Variants in IGF2BP2 observed in about 807,000 individuals in gnomAD.
IGF2BP2 encodes the protein insulin like growth factor 2 mRNA binding protein 2, also known as insulin-like growth factor 2 mRNA-binding protein 2.
In IGF2BP2, 17 loss-of-function variants were observed where a neutral mutation model predicts 75.8. That is an observed-to-expected ratio of 0.22 (90% CI 0.15 to 0.34). The LOEUF is 0.34. Ranked by LOEUF, IGF2BP2 falls within the 10% of genes least tolerant of loss-of-function variation. The pLI, the probability that IGF2BP2 is intolerant of heterozygous loss-of-function variation, is 1.00. For missense variants in IGF2BP2, 516 were observed against 772.4 expected (o/e 0.67, Z 3.93); for synonymous variants, 288 against 295.6 (o/e 0.97, Z 0.26).
At position 185,706,111 on chromosome 3, in the gene IGF2BP2, G is replaced by A. The variant is rs577790038; in HGVS notation, c.240-7764C>T. 3.9e-5 allele frequency among the ~76,000 whole-genome samples: 6 copies of A among 152,320 alleles called. No homozygotes were observed. The South Asian group carries it at 1.2e-3, about 32-fold the overall frequency. ...GAGCCGGACGTCGTGGCTCACACTT[G>A]TAATCCCAGCATTTGGGGAGGCCAA... On this transcript the variant is annotated intron_variant, in intron 2 of 15. Transcript: ENST00000382199.
At chr3:185,812,524 G>A (rs764614803) in intron 2 of IGF2BP2, among the ~76,000 whole-genome samples, 6 of 152,174 alleles carry the variant, frequency 3.9e-5, no homozygotes, top group African/African-American at 1.4e-4. Context: ...AGCAGATGTA[G>A]GAGTAACAAG....
At chr3:185,820,227 TATACACATACACACACACACACAC>T (rs1217813531) in intron 2 of IGF2BP2, among the ~76,000 whole-genome samples, 10 of 91,692 alleles carry the variant, frequency 1.1e-4, no homozygotes, top group South Asian at 6.5e-4. Context: ...TATGTGTATA[TATACACATACACACACACACACAC>T]ACACACACAC....
At chr3:185,728,603 C>T (rs4686387) in intron 2 of IGF2BP2, 93,924 of 152,030 alleles carry the variant, frequency 0.62, 29,816 homozygotes, top group African/African-American at 0.73. Flanking sequence ...TTATAATTTT[C>T]AAAATACTAA....
chr3:185,726,441 G>A (rs1440702135), intron 2 of IGF2BP2, among the ~76,000 whole-genome samples: 1 of 152,226 alleles, frequency 6.6e-6, no homozygotes, highest in Non-Finnish European at 1.5e-5. Context: ...AGTAGGAACT[G>A]CTAAAATGAG....
intron 13 of IGF2BP2, among the ~76,000 whole-genome samples, chr3:185,650,216 A>G (rs1714357723): frequency 6.6e-6 from 1 of 151,724 alleles, no homozygotes; most frequent in Non-Finnish European, 1.5e-5. Flanking sequence ...CACTACATTC[A>G]ACATAATCTT....
intron 2 of IGF2BP2, among the ~76,000 whole-genome samples, chr3:185,818,670 C>G (rs947102642): frequency 1.3e-4 from 20 of 152,182 alleles, no homozygotes; most frequent in African/African-American, 4.6e-4. Flanking sequence ...AATTGCTCAT[C>G]TACTTTTGAG....
intron 2 of IGF2BP2, among the ~76,000 whole-genome samples, chr3:185,741,315 C>G (rs1283559280): frequency 6.6e-6 from 1 of 152,142 alleles, no homozygotes; most frequent in Admixed American, 6.5e-5. Flanking sequence ...TTTTATAAAT[C>G]CAACAGAACC....
rs139210484 is a variant in IGF2BP2 at position 185,749,250 on chromosome 3, T to C, written c.240-50903A>G. On this transcript the variant is annotated intron_variant, in intron 2 of 15. Coordinates refer to ENST00000382199, the MANE Select transcript of IGF2BP2 (RefSeq NM_006548.6). ...CAGTAATTTAACCTACACATATACA[T>C]GTCAAGGCTCTGTTGTAAAGGATAA... 2.2e-3 allele frequency among the ~76,000 whole-genome samples: 333 copies of C among 152,340 alleles called. 3 individuals are homozygous for C. The highest frequency in any genetic ancestry group is 7.5e-3 in the African/African-American group (311 of 41,590).
At chr3:185,659,231 A>G (rs558623930) in intron 10 of IGF2BP2, among the ~76,000 whole-genome samples, 38 of 151,184 alleles carry the variant, frequency 2.5e-4, no homozygotes, top group Admixed American at 5.3e-4. Context: ...CTCCATAAGA[A>G]AAAAAAAAGA....
In IGF2BP2 at chr3:185,781,210, A is replaced by T. The variant is rs578196672; in HGVS notation, c.239+41943T>A. ...TGAATTCCAGCTATTCTGCATTTTT[A>T]AAAAAATTGTCTGTTTTTATTGTGG... is the stretch of plus-strand genomic sequence containing the variant. On this transcript the variant is annotated intron_variant, in intron 2 of 15. Transcript: ENST00000382199. 8.3e-4 allele frequency among the ~76,000 whole-genome samples: 116 copies of T among 138,954 alleles called. 1 individual carries two copies. The highest frequency in any genetic ancestry group is 3.7e-3 in the Admixed American group (50 of 13,384). The allele number at this position is 138,954 out of a possible 152,430, so 91.2% of individuals were successfully genotyped here.
Position 185,691,472 on chromosome 3 carries a change from T to A in IGF2BP2, c.404+1227A>T, listed in dbSNP as rs145381511. On this transcript the variant is annotated intron_variant, in intron 5 of 15. Coordinates refer to ENST00000382199, the MANE Select transcript of IGF2BP2 (RefSeq NM_006548.6). Reference sequence around the variant, plus strand: ...TATGAAAATGGGTTAAATATCTTTGTATGTTGAAAAAGAACACTATAATCC... The same window carrying A: ...TATGAAAATGGGTTAAATATCTTTGAATGTTGAAAAAGAACACTATAATCC... 3.0e-3 allele frequency among the ~76,000 whole-genome samples: 452 copies of A among 152,288 alleles called. 2 individuals are homozygous for A. Among genetic ancestry groups the A allele is most frequent in the African/African-American group, 0.01 (426 of 41,556 alleles).
At chr3:185,778,907 TA>T (rs1400778312) in intron 2 of IGF2BP2, among the ~76,000 whole-genome samples, 1 of 152,108 alleles carries the variant, frequency 6.6e-6, no homozygotes, top group African/African-American at 2.4e-5. Flanking sequence ...TGATCACCAA[TA>T]AGTCAACATG....
intron 2 of IGF2BP2, among the ~76,000 whole-genome samples, chr3:185,712,315 A>G (rs967751375): frequency 1.3e-5 from 2 of 152,214 alleles, no homozygotes; most frequent in Non-Finnish European, 2.9e-5. Context: ...TTTATTTACT[A>G]GTGTCTATAA....
chr3:185,672,507 G>A (rs749531059), intron 10 of IGF2BP2, 34 bp downstream of exon 10: 51 of 1,603,316 alleles, frequency 3.2e-5, no homozygotes, highest in Non-Finnish European at 4.0e-5. Flanking sequence ...GGTGCCCAGC[G>A]CATAAGCAAA....
At chr3:185,711,112 T>C (rs1450962526) in intron 2 of IGF2BP2, among the ~76,000 whole-genome samples, 3 of 152,342 alleles carry the variant, frequency 2.0e-5, no homozygotes, top group Middle Eastern at 3.4e-3. Context: ...TATCATCTTA[T>C]CAAGGATTCA....
At chr3:185,666,082 A>G (rs1020558083) in intron 10 of IGF2BP2, among the ~76,000 whole-genome samples, 2 of 152,194 alleles carry the variant, frequency 1.3e-5, no homozygotes, top group African/African-American at 4.8e-5. Context: ...TAGAATTTCT[A>G]GACACCCAGA....
Position 185,653,688 on chromosome 3 carries a change from A to T in IGF2BP2, c.1387-1520T>A, listed in dbSNP as rs545496831. Among the ~76,000 whole-genome samples the T allele has an allele frequency of 5.9e-5, 9 of 152,268 alleles. No homozygotes were observed. In the East Asian group the frequency reaches 1.7e-3, roughly 29 times the overall value. On this transcript the variant is annotated intron_variant, in intron 12 of 15. Transcript: ENST00000382199. ...GATGAGCCAAGACCGAGGTCAGAACACACACATCTCATAAGGTCCTACACA... is the reference window on the plus strand; with the variant it reads ...GATGAGCCAAGACCGAGGTCAGAACTCACACATCTCATAAGGTCCTACACA...
At chr3:185,675,034 TTCTTGC>T in intron 9 of IGF2BP2, 1 of 165,246 alleles carries the variant, frequency 6.1e-6, no homozygotes, top group Non-Finnish European at 1.2e-5. Flanking sequence ...TTTTTTTTTA[TTCTTGC>T]TTTTCTTAAT....
At chr3:185,818,403 T>C (rs1740885748) in intron 2 of IGF2BP2, among the ~76,000 whole-genome samples, 1 of 152,180 alleles carries the variant, frequency 6.6e-6, no homozygotes, top group Non-Finnish European at 1.5e-5. Flanking sequence ...CTACAAGAGT[T>C]ATTCATCACT....
Sources: gnomAD v4.1 joint callset for allele counts (sites outside exome capture counted in the v4.1 genomes callset) on GRCh38, gnomAD v4.1.1 for gene constraint, MANE v1.5 for transcripts, NCBI Gene and HGNC (gene_info 2026-07-23, HGNC 2026-07-21) for gene names.